FGF13: variants seen among roughly 807,000 people sequenced by gnomAD.
The protein encoded by FGF13 is fibroblast growth factor 13.
A neutral mutation model predicts 19.5 loss-of-function variants in FGF13; 2 were observed. That is an observed-to-expected ratio of 0.10 (90% confidence interval 0.04 to 0.32). FGF13 has a LOEUF of 0.32. FGF13 is among the 10% of genes least tolerant of loss of function. The pLI is 1.00. For missense variants in FGF13, 113 were observed against 192.7 expected (o/e 0.59, Z 2.45); for synonymous variants, 72 against 76.9 (o/e 0.94, Z 0.33).
At chrX:139,071,369 TA>T (rs2092376201) in intron 1 of FGF13, among the ~76,000 whole-genome samples, 1 of 111,994 alleles carries the variant, frequency 8.9e-6, no homozygotes, top group Non-Finnish European at 1.9e-5. Context: ...ACAAGTTTTT[TA>T]CATAATACTT....
chrX:138,965,463 T>C (rs2091891040), intron 1 of FGF13, among the ~76,000 whole-genome samples: 1 of 112,153 alleles, frequency 8.9e-6, no homozygotes, highest in Non-Finnish European at 1.9e-5. Flanking sequence ...GGGTATCTGG[T>C]ACACTGACAA....
At chrX:139,076,207 T>C (rs2083331730) in intron 1 of FGF13, among the ~76,000 whole-genome samples, 2 of 111,451 alleles carry the variant, frequency 1.8e-5, no homozygotes, top group South Asian at 7.6e-4. Context: ...ATGGTTTCTC[T>C]GATCACCTAA....
chrX:138,729,447 T>C (rs1055186238), intron 1 of FGF13, among the ~76,000 whole-genome samples: 1 of 110,364 alleles, frequency 9.1e-6, no homozygotes, highest in African/African-American at 3.3e-5. Context: ...TTGGATACAT[T>C]TGAAAACAAA....
upstream of FGF13, among the ~76,000 whole-genome samples, chrX:138,713,532 T>A (rs951873530): frequency 2.7e-5 from 3 of 111,643 alleles, no homozygotes; most frequent in African/African-American, 9.8e-5. Context: ...CATTTCTCTC[T>A]TGGGATCCTG....
intron 1 of FGF13, among the ~76,000 whole-genome samples, chrX:139,138,337 A>G (rs1263043525): frequency 9.0e-6 from 1 of 111,730 alleles, no homozygotes; most frequent in African/African-American, 3.3e-5. Context: ...AGCACTCCCT[A>G]CCTTAGAGAA....
At chrX:138,899,278 G>A (rs2091519788) in intron 1 of FGF13, among the ~76,000 whole-genome samples, 1 of 111,062 alleles carries the variant, frequency 9.0e-6, no homozygotes, top group East Asian at 2.8e-4. Flanking sequence ...ATGAGTAGGA[G>A]AAACATGGGG....
chrX:138,684,899 C>A (rs1385232535), intron 3 of FGF13, among the ~76,000 whole-genome samples: 1 of 111,168 alleles, frequency 9.0e-6, no homozygotes. Flanking sequence ...GTGAGTCCTT[C>A]CATAAACAAT....
chrX:139,013,479 TTATATATATATATATATA>T (rs202184653), intron 1 of FGF13, among the ~76,000 whole-genome samples: 2,168 of 71,000 alleles, frequency 0.031, 88 homozygotes, highest in African/African-American at 0.082. Flanking sequence ...AAAGAAAATT[TTATATATATATATATATA>T]TATATATATA....
At chrX:138,806,492 G>A (rs1206816235) in intron 3 of FGF13, 1 of 112,938 alleles carries the variant, frequency 8.9e-6, no homozygotes, top group Non-Finnish European at 1.9e-5. Flanking sequence ...AAACAGCTGG[G>A]TGAGGAGCAG....
intron 1 of FGF13, among the ~76,000 whole-genome samples, chrX:138,881,305 A>G (rs1401358655): frequency 1.8e-5 from 2 of 111,617 alleles, no homozygotes; most frequent in East Asian, 5.6e-4. Context: ...TTTGTTTATT[A>G]TCTCTAGTAG....
intron 1 of FGF13, among the ~76,000 whole-genome samples, chrX:138,867,941 G>T (rs909455624): frequency 1.8e-5 from 2 of 111,183 alleles, no homozygotes; most frequent in Admixed American, 1.9e-4. Flanking sequence ...ACTTATAACT[G>T]CTGGTCCAGA....
rs1435204380 is a variant in FGF13 at position 138,629,318 on chromosome X, T to C, written c.*3532A>G. 1 of 112,227 alleles carries C rather than the reference T, an allele frequency of 8.9e-6. No individual in the cohort carries two copies. The highest frequency in any genetic ancestry group is 1.9e-5 in the Non-Finnish European group (1 of 53,268). 9.2% of individuals were successfully genotyped at this position (112,227 alleles called of 1,213,427 possible). A position where few individuals can be genotyped will look rare whatever the true frequency, so the allele number is the denominator to read the frequency against. On this transcript the variant is annotated 3_prime_UTR_variant, in exon 5 of 5. Coordinates refer to ENST00000315930, the MANE Select transcript of FGF13 (RefSeq NM_004114.5). ...AACACAAGACTTTTCAGAAATTAAT[T>C]TGCTAATGCACGCTAATCCTGAAGA...
chrX:138,682,511 A>T (rs967761149), intron 3 of FGF13, among the ~76,000 whole-genome samples: 1 of 112,395 alleles, frequency 8.9e-6, no homozygotes, highest in Non-Finnish European at 1.9e-5. Flanking sequence ...CCTACAGTGC[A>T]GTCTTCCAAA....
At chrX:139,016,608 C>T (rs943001623) in intron 1 of FGF13, among the ~76,000 whole-genome samples, 33 of 112,261 alleles carry the variant, frequency 2.9e-4, no homozygotes, top group African/African-American at 1.0e-3. Flanking sequence ...CAGCTGGACT[C>T]GGGAGGTCTC....
In FGF13 at chrX:138,983,436, G is replaced by A. The variant is rs1246465009; in HGVS notation, c.-112-118786C>T. On this transcript the variant is annotated intron_variant, in intron 1 of 2. Transcript: ENST00000421460. ...ATCTTATATATATATATATATATGA[G>A]TTTATTTCTGGGGAAATGTAAATCA... Among the ~76,000 whole-genome samples the A allele has an allele frequency of 5.8e-4, 13 of 22,440 alleles. No homozygotes were observed. In the South Asian group the frequency reaches 0.019, roughly 32 times the overall value. 19.5% of individuals were successfully genotyped at this position (22,440 alleles called of 115,157 possible).
rs758766077 is a variant in FGF13, at chrX:139,033,027, C to CAAAAAAAAAAA, written c.-112-168388_-112-168378dup. ...ACCAAAGTCAGAATATCTGATTATCCAAAAAAAAAAAAAAAAAAAAAAAAA... is the reference window on the plus strand; with the variant it reads ...ACCAAAGTCAGAATATCTGATTATCCAAAAAAAAAAAAAAAAAAAAAAAAAAAAAAAAAAAA... On this transcript the variant is annotated intron_variant, in intron 1 of 2. Transcript: ENST00000421460. Among the ~76,000 whole-genome samples, 13 of 27,271 alleles carry CAAAAAAAAAAA rather than the reference C, an allele frequency of 4.8e-4. 3 individuals carry two copies. The highest frequency in any genetic ancestry group is 1.5e-3 in the African/African-American group (11 of 7,568). The allele number at this position is 27,271 out of a possible 115,157, so 23.7% of individuals were successfully genotyped here.
intron 3 of FGF13, among the ~76,000 whole-genome samples, chrX:138,748,444 A>G (rs140202742): frequency 8.9e-4 from 99 of 111,554 alleles, no homozygotes; most frequent in African/African-American, 3.0e-3. Context: ...GAGTATAGCA[A>G]GAGGTGGCCA....
At chrX:139,142,625 A>G (rs1308038498) in intron 1 of FGF13, among the ~76,000 whole-genome samples, 2 of 112,180 alleles carry the variant, frequency 1.8e-5, no homozygotes, top group South Asian at 3.7e-4. Flanking sequence ...CTTTCAAGCC[A>G]TATGACTTTG....
intron 1 of FGF13, among the ~76,000 whole-genome samples, chrX:138,901,779 A>G: frequency 8.9e-6 from 1 of 112,084 alleles, no homozygotes; most frequent in South Asian, 3.7e-4. Context: ...TAAAACTGAG[A>G]GAGTTCATTG....
Sources: gnomAD v4.1 joint callset for allele counts (sites outside exome capture counted in the v4.1 genomes callset) on GRCh38, gnomAD v4.1.1 for gene constraint, MANE v1.5 for transcripts, NCBI Gene and HGNC (gene_info 2026-07-23, HGNC 2026-07-21) for gene names.